TMOD3: variants seen among roughly 807,000 people sequenced by gnomAD.
TMOD3 encodes tropomodulin 3, also known as tropomodulin-3.
A neutral mutation model predicts 39.2 loss-of-function variants in TMOD3; 20 were observed. That is an observed-to-expected ratio of 0.51 (90% CI 0.36 to 0.74). The LOEUF is 0.74. TMOD3 is among the 30% of genes least tolerant of loss of function. The pLI, the probability that TMOD3 is intolerant of heterozygous loss-of-function variation, is 0.00. For synonymous variants in TMOD3, 143 were observed against 145.8 expected (o/e 0.98, Z 0.14); for missense variants, 381 against 412.8 (o/e 0.92, Z 0.67).
Position 51,901,572 on chromosome 15 carries a change from A to AGTGTGTGTGTGT in TMOD3, c.880-291_880-280dup, listed in dbSNP as rs57976840. On this transcript the variant is annotated intron_variant, in intron 8 of 9. Transcript: ENST00000308580. Reference sequence around the variant, plus strand: ...CATATTACTGAACTTTAAAAAGTTTAGTGTGTGTGTGTGTGTGTGTGTGTG... The same window carrying AGTGTGTGTGTGT: ...CATATTACTGAACTTTAAAAAGTTTAGTGTGTGTGTGTGTGTGTGTGTGTGTGTGTGTGTGTG... 739 of 184,868 alleles carry AGTGTGTGTGTGT rather than the reference A, an allele frequency of 4.0e-3. 3 individuals are homozygous for AGTGTGTGTGTGT. The highest frequency in any genetic ancestry group is 0.013 in the East Asian group (86 of 6,790). The allele number at this position is 184,868 out of a possible 1,614,324, so 11.5% of individuals were successfully genotyped here. A position where few individuals can be genotyped will look rare whatever the true frequency, so the allele number is the denominator to read the frequency against.
chr15:51,892,164 C>G (rs983338756), intron 5 of TMOD3, among the ~76,000 whole-genome samples: 2 of 152,064 alleles, frequency 1.3e-5, no homozygotes, highest in Non-Finnish European at 2.9e-5. Context: ...AGTTTTGCTG[C>G]TAAAATCTAG....
At chr15:51,886,173 A>G (rs2056561667) in intron 3 of TMOD3, among the ~76,000 whole-genome samples, 1 of 150,970 alleles carries the variant, frequency 6.6e-6, no homozygotes, top group Admixed American at 6.6e-5. Flanking sequence ...GGCGCTCCTC[A>G]CTTCCCAGAC....
At position 51,908,561 on chromosome 15, in the gene TMOD3, C is replaced by T. The variant is rs183778497; in HGVS notation, c.1025-215C>T. On this transcript the variant is annotated intron_variant, in intron 9 of 9. Transcript: ENST00000308580. ...GGGCATGTAATTCTTTTGTTGAAGC[C>T]CCTTGGTTCTCAACAAGTAAATGAC... Among the ~76,000 whole-genome samples the T allele has an allele frequency of 2.4e-3, 359 of 151,554 alleles. 1 individual carries two copies. The highest frequency in any genetic ancestry group is 0.014 in the Middle Eastern group (4 of 288).
chr15:51,903,315 G>A (rs1425002753), intron 9 of TMOD3, among the ~76,000 whole-genome samples: 1 of 152,192 alleles, frequency 6.6e-6, no homozygotes, highest in Non-Finnish European at 1.5e-5. Context: ...TCCAAAAGTT[G>A]ACTCTTTTAA....
chr15:51,859,465 G>T, intron 1 of TMOD3: 1 of 656,164 alleles, frequency 1.5e-6, no homozygotes. Context: ...ACTGAAAATG[G>T]ATGGCTGTTC....
intron 3 of TMOD3, among the ~76,000 whole-genome samples, chr15:51,874,397 T>C (rs910855576): frequency 2.0e-5 from 3 of 152,188 alleles, no homozygotes; most frequent in African/African-American, 7.2e-5. Context: ...TAGGGGAGTA[T>C]TTTGTCCTAT....
chr15:51,889,100 A>C lies in TMOD3; in HGVS notation c.451A>C (p.Asn151His). 1 of 1,596,278 alleles carries C rather than the reference A, an allele frequency of 6.3e-7. No individual in the cohort carries two copies. Among genetic ancestry groups the C allele is most frequent in the African/African-American group, 1.4e-5 (1 of 73,784 alleles). ...TTTGATAACGAATACAAAGTTCTGT[A>C]ATATAATGGGAAGTAGTAATGGTGT... ...HNLITNTKFC[N>H]IMGSSNGVDQ... Residue 151 changes from asparagine (N) to histidine (H), a missense_variant, in exon 5 of 10, where the codon AAT (asparagine) becomes CAT (histidine). Transcript: ENST00000308580.
At chr15:51,843,256 AG>A (rs1375539162) in intron 1 of TMOD3, among the ~76,000 whole-genome samples, 2 of 152,228 alleles carry the variant, frequency 1.3e-5, no homozygotes, top group East Asian at 3.8e-4. Context: ...GGATTGTTTA[AG>A]AAGAGTGACA....
intron 9 of TMOD3, among the ~76,000 whole-genome samples, chr15:51,905,049 A>G (rs138872851): frequency 6.6e-6 from 1 of 152,354 alleles, no homozygotes; most frequent in East Asian, 1.9e-4. Context: ...GGATAGGGCA[A>G]TTACAGATAA....
At chr15:51,902,656 T>C (rs1265301772) in intron 9 of TMOD3, among the ~76,000 whole-genome samples, 1 of 127,182 alleles carries the variant, frequency 7.9e-6, no homozygotes, top group Non-Finnish European at 1.6e-5. Context: ...TTTTTTTTTT[T>C]TTTTTTTTTT....
chr15:51,874,730 T>G (rs2056492879), intron 3 of TMOD3, among the ~76,000 whole-genome samples: 1 of 152,234 alleles, frequency 6.6e-6, no homozygotes, highest in South Asian at 2.1e-4. Context: ...ATTGCTGGTA[T>G]CATGCTCCGC....
In TMOD3 at chr15:51,862,925, A is replaced by T; in HGVS notation, c.41A>T (p.Asp14Val). Residue 14 changes from aspartate to valine, a missense_variant, in exon 2 of 10, where the codon GAC (aspartate) becomes GTC (valine). By Grantham distance (152) the Asp-to-Val change is radical. Transcript: ENST00000308580. ...CGTAAGGACTTAGAAAAGTACAAAG[A>T]CCTTGATGAAGATGAGCTCCTTGGG... ...PFRKDLEKYK[D>V]LDEDELLGNL... The T allele has an allele frequency of 6.2e-7, 1 of 1,614,104 alleles. No individual in the cohort carries two copies. The highest frequency in any genetic ancestry group is 8.5e-7 in the Non-Finnish European group (1 of 1,179,966).
chr15:51,862,508 T>C (rs917475025), intron 1 of TMOD3, among the ~76,000 whole-genome samples: 2 of 152,204 alleles, frequency 1.3e-5, no homozygotes, highest in Non-Finnish European at 2.9e-5. Context: ...GGAAAATCTT[T>C]TATTTTGACA....
Position 51,913,040 on chromosome 15 carries a change from C to T in TMOD3, c.*4230C>T, listed in dbSNP as rs2056718995. On this transcript the variant is annotated 3_prime_UTR_variant, in exon 10 of 10. Coordinates refer to ENST00000308580, the MANE Select transcript of TMOD3 (RefSeq NM_014547.5). ...CCAGGCTGGAGTGCAGTGGTGCGAT[C>T]TCAGCTCACTGCAGCTTCCACCTCC... 6.6e-6 allele frequency: 1 copy of T among 152,254 alleles called. No individual in the cohort carries two copies. Among genetic ancestry groups the T allele is most frequent in the Admixed American group, 6.5e-5 (1 of 15,288 alleles). 9.4% of individuals were successfully genotyped at this position (152,254 alleles called of 1,614,324 possible).
chr15:51,891,520 G>C (rs2056593464), intron 5 of TMOD3, among the ~76,000 whole-genome samples: 1 of 152,040 alleles, frequency 6.6e-6, no homozygotes, highest in Non-Finnish European at 1.5e-5. Context: ...ATTGATCACA[G>C]GGTTCAAATG....
At chr15:51,890,831 A>G (rs963004425) in intron 5 of TMOD3, among the ~76,000 whole-genome samples, 2 of 152,202 alleles carry the variant, frequency 1.3e-5, no homozygotes, top group African/African-American at 4.8e-5. Flanking sequence ...ATGTTCAAAC[A>G]CACATAGAAG....
intron 9 of TMOD3, among the ~76,000 whole-genome samples, chr15:51,905,559 G>A (rs1030603376): frequency 6.6e-6 from 1 of 151,864 alleles, no homozygotes; most frequent in Non-Finnish European, 1.5e-5. Context: ...CATGGTTAAA[G>A]AACTTTGATT....
intron 3 of TMOD3, among the ~76,000 whole-genome samples, chr15:51,879,889 C>CACACACACACACACA (rs1555387141): frequency 6.6e-6 from 1 of 150,884 alleles, no homozygotes; most frequent in African/African-American, 2.4e-5. Flanking sequence ...CACACACACA[C>CACACACACACACACA]GAAGAAGAAA....
At chr15:51,835,416 C>A (rs1405880704) in intron 1 of TMOD3, among the ~76,000 whole-genome samples, 1 of 152,184 alleles carries the variant, frequency 6.6e-6, no homozygotes, top group Non-Finnish European at 1.5e-5. Flanking sequence ...AGTCCGTCAG[C>A]CTCAGCCTCT....
Sources: gnomAD v4.1 joint callset for allele counts (sites outside exome capture counted in the v4.1 genomes callset) on GRCh38, gnomAD v4.1.1 for gene constraint, MANE v1.5 for transcripts, NCBI Gene and HGNC (gene_info 2026-07-23, HGNC 2026-07-21) for gene names.